Variants in TRAPPC9 observed in about 807,000 individuals in gnomAD.
The protein encoded by TRAPPC9 is trafficking protein particle complex subunit 9, also known as IKK2 binding protein.
Under a neutral mutation model 124.0 loss-of-function variants are expected in TRAPPC9, and 83 were observed. The ratio of observed to expected loss-of-function variants is 0.67; its 90% CI spans 0.56 to 0.80. The LOEUF (loss-of-function observed/expected upper bound fraction) is 0.80. Among genes scored for constraint, TRAPPC9 ranks in the 30% least tolerant of loss-of-function variants. TRAPPC9 has a pLI of 0.00. For synonymous variants in TRAPPC9, 638 were observed against 617.5 expected, an observed-to-expected ratio of 1.03 and a Z score of -0.49; for missense variants, 1,302 against 1,508.3, an observed-to-expected ratio of 0.86 and a Z score of 2.27.
intron 19 of TRAPPC9, among the ~76,000 whole-genome samples, chr8:139,936,347 C>T (rs1833513283): frequency 6.6e-6 from 1 of 152,232 alleles, no homozygotes. Context: ...GCCAGCTCTG[C>T]CAGGAGCACA....
At chr8:140,159,350 C>T (rs1422728992) in intron 17 of TRAPPC9, among the ~76,000 whole-genome samples, 3 of 152,150 alleles carry the variant, frequency 2.0e-5, no homozygotes, top group African/African-American at 7.2e-5. Context: ...GAGAATAGTG[C>T]CTTGCACAGA....
chr8:140,092,550 G>A (rs1844643676), intron 17 of TRAPPC9, among the ~76,000 whole-genome samples: 1 of 152,144 alleles, frequency 6.6e-6, no homozygotes, highest in Non-Finnish European at 1.5e-5. Context: ...AGTGAGAAAA[G>A]GAATCAGAGA....
At chr8:139,926,621 A>AAC (rs1287088370) in intron 19 of TRAPPC9, among the ~76,000 whole-genome samples, 4 of 151,682 alleles carry the variant, frequency 2.6e-5, no homozygotes, top group South Asian at 4.2e-4. Context: ...AAAAAAAAAA[A>AAC]AACTCCTGAA....
intron 21 of TRAPPC9, among the ~76,000 whole-genome samples, chr8:139,865,095 G>C (rs967443877): frequency 1.8e-4 from 27 of 152,186 alleles, no homozygotes; most frequent in Non-Finnish European, 3.4e-4. Context: ...GGTGGCGGCA[G>C]AGGAAAAACT....
intron 21 of TRAPPC9, among the ~76,000 whole-genome samples, chr8:139,808,113 C>T (rs1824193643): frequency 6.6e-6 from 1 of 152,200 alleles, no homozygotes; most frequent in South Asian, 2.1e-4. Flanking sequence ...CCATTATTAA[C>T]TATTACTTTT....
chr8:140,098,778 T>C (rs554381454), intron 17 of TRAPPC9: 1 of 144,902 alleles, frequency 6.9e-6, no homozygotes, highest in East Asian at 2.2e-4. Context: ...CACAAAGTAA[T>C]GACGCCCACC....
intron 17 of TRAPPC9, among the ~76,000 whole-genome samples, chr8:140,214,401 C>G (rs2063141725): frequency 6.6e-6 from 1 of 152,324 alleles, no homozygotes; most frequent in East Asian, 1.9e-4. Flanking sequence ...TTCCAGAGGC[C>G]CTTACACCCC....
chr8:140,103,734 T>C (rs927434276), intron 17 of TRAPPC9, among the ~76,000 whole-genome samples: 2 of 152,204 alleles, frequency 1.3e-5, no homozygotes, highest in South Asian at 2.1e-4. Context: ...TCTCAGCTGG[T>C]CTTCACAATG....
chr8:139,961,195 G>A lies in TRAPPC9; in HGVS notation c.2810+27531C>T, dbSNP rs1274556763. Among the ~76,000 whole-genome samples the A allele has an allele frequency of 1.7e-4, 21 of 124,828 alleles. 6 individuals are homozygous for A. Among genetic ancestry groups the A allele is most frequent in the South Asian group, 5.4e-4 (2 of 3,724 alleles). The allele number at this position is 124,828 out of a possible 152,430, so 81.9% of individuals were successfully genotyped here. ...TCAGCTGCGCCTGCACATTTCTACC[G>A]TCTGCCCACTACACAGAGCAGGGAT... On this transcript the variant is annotated intron_variant, in intron 19 of 22. Coordinates refer to ENST00000438773, the MANE Select transcript of TRAPPC9 (RefSeq NM_001160372.4).
chr8:139,795,754 G>A (rs1024604345), intron 21 of TRAPPC9, among the ~76,000 whole-genome samples: 1 of 152,138 alleles, frequency 6.6e-6, no homozygotes, highest in Non-Finnish European at 1.5e-5. Context: ...CTGGGCCAGT[G>A]AGCGTGAGGG....
At chr8:139,847,576 C>T (rs1454699366) in intron 21 of TRAPPC9, among the ~76,000 whole-genome samples, 3 of 143,000 alleles carry the variant, frequency 2.1e-5, no homozygotes, top group Non-Finnish European at 4.6e-5. Flanking sequence ...GGCGGCGTGG[C>T]CTGCAGATGG....
At position 140,311,253 on chromosome 8, in the gene TRAPPC9, G is replaced by A. The variant is rs371833815; in HGVS notation, c.1617C>T (p.Ile539=). ...CTCTGCAGTGCCCATCTCACCTGAC[G>A]ATGGGAAGCTTGGTGAAGGGCACCG... is the stretch of plus-strand genomic sequence containing the variant. ...LPPVPFTKLP[I]VRHVKLLNLP... Residue 539 remains isoleucine (I), a synonymous_variant, in exon 10 of 23, where the codon ATC becomes ATT. Coordinates refer to ENST00000438773, the MANE Select transcript of TRAPPC9 (RefSeq NM_001160372.4). 13 of 1,611,232 alleles carry A rather than the reference G, an allele frequency of 8.1e-6. No individual in the cohort carries two copies. Among genetic ancestry groups the A allele is most frequent in the South Asian group, 3.3e-5 (3 of 91,082 alleles).
At chr8:140,160,529 G>T (rs2061728653) in intron 17 of TRAPPC9, among the ~76,000 whole-genome samples, 1 of 151,634 alleles carries the variant, frequency 6.6e-6, no homozygotes, top group Non-Finnish European at 1.5e-5. Flanking sequence ...ATCATTCTCA[G>T]CAAACTATCA....
chr8:139,769,267 G>A (rs947046961), intron 21 of TRAPPC9, among the ~76,000 whole-genome samples: 2 of 152,130 alleles, frequency 1.3e-5, no homozygotes, highest in African/African-American at 4.8e-5. Context: ...TATGTATTAG[G>A]CATAGTGAGA....
intron 19 of TRAPPC9, among the ~76,000 whole-genome samples, chr8:139,924,248 C>T (rs775780041): frequency 2.6e-5 from 4 of 152,168 alleles, no homozygotes; most frequent in African/African-American, 4.8e-5. Flanking sequence ...GAGAGTGTAA[C>T]GGTGAGGTTT....
intron 5 of TRAPPC9, among the ~76,000 whole-genome samples, chr8:140,414,986 T>TCA (rs1299846836): frequency 1.3e-5 from 2 of 152,098 alleles, no homozygotes; most frequent in East Asian, 3.9e-4. Context: ...ATGATCTGCC[T>TCA]GCCTCAGCCT....
chr8:140,274,234 C>G (rs1185461678), intron 15 of TRAPPC9, among the ~76,000 whole-genome samples: 1 of 151,994 alleles, frequency 6.6e-6, no homozygotes, highest in African/African-American at 2.4e-5. Flanking sequence ...AAAAAACCCA[C>G]AGAAAAGGGA....
At position 139,730,865 on chromosome 8, in the gene TRAPPC9, T is replaced by TGGGGCTGCCATGTCC. The variant is rs1817768106; in HGVS notation, c.*181_*195dup. The stretch of plus-strand genomic sequence containing the variant: ...GTGTAGGAAGGGGCGTGGCATGGGG[T>TGGGGCTGCCATGTCC]GGGGCTGCCATGTCCGGGGCTTCTG... On this transcript the variant is annotated 3_prime_UTR_variant, in exon 23 of 23. Coordinates refer to ENST00000438773, the MANE Select transcript of TRAPPC9 (RefSeq NM_001160372.4). 1 of 613,330 alleles carries TGGGGCTGCCATGTCC rather than the reference T, an allele frequency of 1.6e-6. No individual in the cohort carries two copies. Among genetic ancestry groups the TGGGGCTGCCATGTCC allele is most frequent in the Non-Finnish European group, 2.8e-6 (1 of 354,950 alleles). 38.0% of individuals were successfully genotyped at this position (613,330 alleles called of 1,614,324 possible).
intron 17 of TRAPPC9, among the ~76,000 whole-genome samples, chr8:140,060,604 C>T (rs1371465043): frequency 6.6e-6 from 1 of 151,456 alleles, no homozygotes; most frequent in Non-Finnish European, 1.5e-5. Flanking sequence ...CTACCCATCC[C>T]TACCTGTTCC....
Sources: gnomAD v4.1 joint callset for allele counts (sites outside exome capture counted in the v4.1 genomes callset) on GRCh38, gnomAD v4.1.1 for gene constraint, MANE v1.5 for transcripts, NCBI Gene and HGNC (gene_info 2026-07-23, HGNC 2026-07-21) for gene names.